SUZ12: variants seen among roughly 807,000 people sequenced by gnomAD.
SUZ12 encodes the protein polycomb protein SUZ12.
Under a neutral mutation model 87.3 loss-of-function variants are expected in SUZ12, and 17 were observed. That is an observed-to-expected ratio of 0.19 (90% CI 0.13 to 0.29). The LOEUF is 0.29. Among genes scored for constraint, SUZ12 ranks in the 10% least tolerant of loss-of-function variants. SUZ12 has a pLI of 1.00. For synonymous variants in SUZ12, 253 were observed against 312.4 expected, an observed-to-expected ratio of 0.81 and a Z score of 2.01; for missense variants, 526 against 912.2, an observed-to-expected ratio of 0.58 and a Z score of 5.45.
chr17:31,954,106 A>G (rs113282313), intron 4 of SUZ12, among the ~76,000 whole-genome samples: 15,048 of 151,898 alleles, frequency 0.099, 1,023 homozygotes, highest in Middle Eastern at 0.15. Flanking sequence ...TTTGTTGCCC[A>G]GGCAAGAGTG....
At chr17:31,939,825 C>T (rs1481118951) in intron 1 of SUZ12, among the ~76,000 whole-genome samples, 4 of 152,074 alleles carry the variant, frequency 2.6e-5, no homozygotes, top group African/African-American at 4.8e-5. Flanking sequence ...TGCGCCTGGC[C>T]GGCTGACTAC....
At chr17:31,953,065 A>C (rs945917613) in intron 4 of SUZ12, among the ~76,000 whole-genome samples, 2 of 152,104 alleles carry the variant, frequency 1.3e-5, no homozygotes, top group Non-Finnish European at 2.9e-5. Context: ...ATCCCCTCAA[A>C]GGATACCTGA....
intron 1 of SUZ12, among the ~76,000 whole-genome samples, 181 bp from the exon 2 acceptor site, chr17:31,940,101 CATTG>C (rs1170673256): frequency 1.3e-5 from 2 of 151,994 alleles, no homozygotes; most frequent in Non-Finnish European, 2.9e-5. Context: ...GAATGTATGC[CATTG>C]ATTGAATACC....
intron 15 of SUZ12, among the ~76,000 whole-genome samples, chr17:31,997,608 G>A (rs572171441): frequency 6.3e-4 from 92 of 146,412 alleles, no homozygotes; most frequent in African/African-American, 2.3e-3. Flanking sequence ...GGAAATTGCA[G>A]TGAGCCAAGA....
intron 3 of SUZ12, among the ~76,000 whole-genome samples, chr17:31,943,092 T>C (rs1302602405): frequency 6.6e-6 from 1 of 152,260 alleles, no homozygotes; most frequent in Non-Finnish European, 1.5e-5. Flanking sequence ...TCTTTCTGAA[T>C]AGAGAGCGTG....
At chr17:31,958,424 G>C (rs1456870238) in intron 4 of SUZ12, among the ~76,000 whole-genome samples, 7 of 152,018 alleles carry the variant, frequency 4.6e-5, no homozygotes, top group Non-Finnish European at 1.0e-4. Context: ...AAAATCTTTA[G>C]GCTGGCCCAG....
rs772835336 is a variant in SUZ12, at chr17:31,976,570, G to A, written c.873G>A (p.Gly291=). 1 of 1,613,148 alleles carries A rather than the reference G, an allele frequency of 6.2e-7. No individual in the cohort carries two copies. Among genetic ancestry groups the A allele is most frequent in the South Asian group, 1.1e-5 (1 of 91,000 alleles). Residue 291 remains glycine (G), a synonymous_variant, in exon 8 of 16, where the codon GGG becomes GGA. Transcript: ENST00000322652. Reference sequence around the variant, plus strand: ...GAAGAAAACGAAATCGTGAGGATGGGGAAAAGACATTTGTTGCACAAATGA... The same window carrying A: ...GAAGAAAACGAAATCGTGAGGATGGAGAAAAGACATTTGTTGCACAAATGA... ...PARRKRNRED[G]EKTFVAQMTV...
chr17:31,937,323 G>A lies in SUZ12; in HGVS notation c.77G>A (p.Gly26Glu). 6.9e-7 allele frequency: 1 copy of A among 1,459,846 alleles called. No homozygotes were observed. Among genetic ancestry groups the A allele is most frequent in the African/African-American group, 1.5e-5 (1 of 67,562 alleles). 90.4% of individuals were successfully genotyped at this position (1,459,846 alleles called of 1,614,324 possible). Reference sequence around the variant, plus strand: ...GCGGGGTCCGGGGGAGGCGGCTTCGGGGGTTCGGCGGCGGTGGCGGCGGCG... The same window carrying A: ...GCGGGGTCCGGGGGAGGCGGCTTCGAGGGTTCGGCGGCGGTGGCGGCGGCG... Reference protein sequence around the residue: ...PSAGSGGGGFGGSAAVAAATA... With the variant: ...PSAGSGGGGFEGSAAVAAATA... Residue 26 changes from glycine (G) to glutamate (E), a missense_variant, in exon 1 of 16, where the codon GGG (glycine) becomes GAG (glutamate). Physicochemically the swap from Gly to Glu is moderately conservative, Grantham distance 98. This residue lies in a region of SUZ12 where 92 missense variants were observed against 109.9 expected (regional missense o/e 0.84). Coordinates refer to ENST00000322652, the MANE Select transcript of SUZ12 (RefSeq NM_015355.4).
chr17:31,995,416 A>C, intron 13 of SUZ12, 148 bp from the exon 14 acceptor site: 1 of 603,904 alleles, frequency 1.7e-6, no homozygotes, highest in Admixed American at 3.1e-5. Flanking sequence ...GAAAATAACT[A>C]GTGGGGGTGT....
At chr17:31,991,107 CAT>C (rs1190812213) in intron 10 of SUZ12, among the ~76,000 whole-genome samples, 4 of 152,202 alleles carry the variant, frequency 2.6e-5, no homozygotes, top group African/African-American at 9.7e-5. Context: ...AGAGAGCACT[CAT>C]GTGTCTTTAT....
intron 4 of SUZ12, among the ~76,000 whole-genome samples, chr17:31,953,895 G>A (rs751545306): frequency 3.3e-5 from 5 of 151,510 alleles, no homozygotes; most frequent in Non-Finnish European, 5.9e-5. Context: ...TGTATTTTTA[G>A]TAGAGAAGGG....
chr17:31,999,741 T>C lies in SUZ12; in HGVS notation c.*738T>C. 4.3e-6 allele frequency: 1 copy of C among 231,972 alleles called. No homozygotes were observed. Among genetic ancestry groups the C allele is most frequent in the Admixed American group, 5.6e-5 (1 of 17,758 alleles). The allele number at this position is 231,972 out of a possible 1,614,324, so 14.4% of individuals were successfully genotyped here. A position where few individuals can be genotyped will look rare whatever the true frequency, so the allele number is the denominator to read the frequency against. The stretch of plus-strand genomic sequence containing the variant: ...TAATTTTAGTGCATTGCTCACCCGG[T>C]ATGTTTTTTTTTTTTAACTTGAACA... On this transcript the variant is annotated 3_prime_UTR_variant, in exon 16 of 16. Coordinates refer to ENST00000322652, the MANE Select transcript of SUZ12 (RefSeq NM_015355.4).
At chr17:31,987,976 A>G (rs1363852728) in intron 9 of SUZ12, among the ~76,000 whole-genome samples, 1 of 152,136 alleles carries the variant, frequency 6.6e-6, no homozygotes, top group Non-Finnish European at 1.5e-5. Context: ...GTTAGCAACA[A>G]CCTAAATGGG....
intron 8 of SUZ12, among the ~76,000 whole-genome samples, chr17:31,978,903 C>G (rs1270745717): frequency 1.3e-5 from 2 of 151,614 alleles, no homozygotes; most frequent in Admixed American, 6.6e-5. Context: ...GTCAAGAGAT[C>G]GAGACCGTCC....
At chr17:31,964,413 G>GTTTTTTTT (rs544646719) in intron 4 of SUZ12, among the ~76,000 whole-genome samples, 6 of 142,092 alleles carry the variant, frequency 4.2e-5, no homozygotes, top group African/African-American at 1.5e-4. Flanking sequence ...AACTCTGTAG[G>GTTTTTTTT]TTTTTTTTTT....
chr17:31,971,628 C>T (rs1469268842), intron 5 of SUZ12, among the ~76,000 whole-genome samples: 2 of 151,796 alleles, frequency 1.3e-5, no homozygotes, highest in African/African-American at 4.8e-5. Context: ...CGGGGTTTCT[C>T]CGTGTTGGTC....
At chr17:31,993,746 A>G (rs1032056299) in intron 11 of SUZ12, 119 bp from the exon 12 acceptor site, 3 of 1,060,132 alleles carry the variant, frequency 2.8e-6, no homozygotes, top group African/African-American at 3.2e-5. Context: ...ATTAAAGAGA[A>G]TATCTCTAAT....
At chr17:31,971,421 C>CTT (rs11383306) in intron 5 of SUZ12, among the ~76,000 whole-genome samples, 6,528 of 115,796 alleles carry the variant, frequency 0.056, 200 homozygotes, top group South Asian at 0.09. Context: ...TCTCCTGCAA[C>CTT]TTTTTTTTTT....
chr17:31,962,753 G>C (rs76300908), intron 4 of SUZ12, among the ~76,000 whole-genome samples: 76 of 150,040 alleles, frequency 5.1e-4, no homozygotes, highest in African/African-American at 1.8e-3. Flanking sequence ...TCGTAGAACA[G>C]GAAATGAGAA....
Sources: allele counts gnomAD v4.1 joint callset (sites outside exome capture counted in the v4.1 genomes callset), GRCh38; gene constraint gnomAD v4.1.1; regional missense constraint gnomAD v4.1.1; transcripts MANE v1.5; gene names NCBI Gene and HGNC (gene_info 2026-07-23, HGNC 2026-07-21).